Variants in ELMO1 observed in about 807,000 individuals in gnomAD.
The protein encoded by ELMO1 is engulfment and cell motility protein 1.
In ELMO1, 26 loss-of-function variants were observed where a neutral mutation model predicts 98.9. That is an observed-to-expected ratio of 0.26 (90% CI 0.19 to 0.36). The LOEUF (loss-of-function observed/expected upper bound fraction) is 0.36. Among genes scored for constraint, ELMO1 ranks in the 10% least tolerant of loss-of-function variants. ELMO1 has a pLI of 1.00. For missense variants in ELMO1, 627 were observed against 935.2 expected (o/e 0.67, Z 4.30); for synonymous variants, 346 against 346.0 (o/e 1.00, Z 0.00).
intron 14 of ELMO1, among the ~76,000 whole-genome samples, chr7:37,097,313 G>A (rs977333305): frequency 9.2e-5 from 14 of 152,264 alleles, no homozygotes; most frequent in Admixed American, 5.2e-4. Flanking sequence ...CGAGGCGGGC[G>A]GATCATTGGA....
chr7:36,985,855 G>T, intron 16 of ELMO1: 3 of 976,712 alleles, frequency 3.1e-6, no homozygotes, highest in Non-Finnish European at 3.7e-6. Flanking sequence ...CAGACAATAG[G>T]ACAAAGCTAC....
intron 15 of ELMO1, among the ~76,000 whole-genome samples, chr7:37,037,296 CGTT>C (rs1795233242): frequency 6.6e-6 from 1 of 152,102 alleles, no homozygotes; most frequent in Admixed American, 6.5e-5. Context: ...AAGAGCCACA[CGTT>C]GTTCTGTGAT....
At chr7:37,072,450 CCT>C (rs556663180) in intron 15 of ELMO1, among the ~76,000 whole-genome samples, 32 of 152,298 alleles carry the variant, frequency 2.1e-4, no homozygotes, top group African/African-American at 7.5e-4. Context: ...GTTCATTAAA[CCT>C]CTTTCTTTTG....
intron 4 of ELMO1, among the ~76,000 whole-genome samples, chr7:37,283,780 C>T (rs564141628): frequency 3.3e-5 from 5 of 152,328 alleles, no homozygotes; most frequent in Middle Eastern, 3.4e-3. Flanking sequence ...AACAGAGACA[C>T]GTCTATAGTG....
intron 15 of ELMO1, among the ~76,000 whole-genome samples, chr7:37,059,220 T>G (rs1796543398): frequency 6.6e-6 from 1 of 152,304 alleles, no homozygotes; most frequent in East Asian, 1.9e-4. Context: ...AAAATATCAC[T>G]CCAGTGGGGG....
At chr7:37,204,344 T>C (rs1792480826) in intron 13 of ELMO1, 3 of 413,094 alleles carry the variant, frequency 7.3e-6, no homozygotes, top group Non-Finnish European at 9.7e-6. Flanking sequence ...TCTCGCTGAC[T>C]TCAAGAGTGA....
chr7:37,029,069 G>A (rs911447069), intron 15 of ELMO1, among the ~76,000 whole-genome samples: 3 of 152,036 alleles, frequency 2.0e-5, no homozygotes, highest in African/African-American at 4.8e-5. Flanking sequence ...TGACTTGCCC[G>A]AGTCACACAG....
At chr7:37,133,707 G>C (rs558109045) in intron 13 of ELMO1, among the ~76,000 whole-genome samples, 1 of 152,222 alleles carries the variant, frequency 6.6e-6, no homozygotes, top group South Asian at 2.1e-4. Flanking sequence ...CCCATACATT[G>C]ATGGGCTTTG....
At chr7:37,071,122 A>G (rs758044260) in intron 15 of ELMO1, among the ~76,000 whole-genome samples, 2 of 152,230 alleles carry the variant, frequency 1.3e-5, no homozygotes, top group Non-Finnish European at 2.9e-5. Flanking sequence ...AAAGAACTGT[A>G]CATCAAAAAA....
At chr7:37,092,216 T>C (rs940630876) in intron 15 of ELMO1, among the ~76,000 whole-genome samples, 3 of 152,050 alleles carry the variant, frequency 2.0e-5, no homozygotes, top group Admixed American at 2.0e-4. Flanking sequence ...AGAAAACTTT[T>C]AACCAATATA....
At chr7:36,893,463 C>A (rs545286130) in intron 17 of ELMO1, among the ~76,000 whole-genome samples, 2 of 152,186 alleles carry the variant, frequency 1.3e-5, no homozygotes, top group African/African-American at 2.4e-5. Flanking sequence ...GAAGCCAAAG[C>A]GCCTTGGAAG....
At chr7:37,309,366 C>T (rs917530499) in intron 4 of ELMO1, among the ~76,000 whole-genome samples, 2 of 152,160 alleles carry the variant, frequency 1.3e-5, no homozygotes, top group South Asian at 2.1e-4. Context: ...AACCACAACA[C>T]GTGGGAATTA....
At chr7:36,983,035 C>A (rs1316960197) in intron 16 of ELMO1, among the ~76,000 whole-genome samples, 1 of 152,206 alleles carries the variant, frequency 6.6e-6, no homozygotes, top group Non-Finnish European at 1.5e-5. Flanking sequence ...ATGGGAACCC[C>A]CAAACTGGCT....
At chr7:37,061,148 T>A (rs886932424) in intron 15 of ELMO1, among the ~76,000 whole-genome samples, 1 of 152,130 alleles carries the variant, frequency 6.6e-6, no homozygotes, top group Non-Finnish European at 1.5e-5. Context: ...TTAATGGGGA[T>A]GGGGGGCGTC....
At chr7:37,219,608 T>C (rs1793483583) in intron 10 of ELMO1, among the ~76,000 whole-genome samples, 1 of 152,176 alleles carries the variant, frequency 6.6e-6, no homozygotes, top group African/African-American at 2.4e-5. Context: ...CGGGGAGTTG[T>C]TTACTTGGCA....
At chr7:36,913,049 G>A (rs1055916224) in intron 16 of ELMO1, among the ~76,000 whole-genome samples, 2 of 152,122 alleles carry the variant, frequency 1.3e-5, no homozygotes, top group Non-Finnish European at 2.9e-5. Context: ...CACACTGCTC[G>A]GGAGGGGTAC....
At chr7:37,051,209 G>A (rs1380028297) in intron 15 of ELMO1, among the ~76,000 whole-genome samples, 1 of 152,192 alleles carries the variant, frequency 6.6e-6, no homozygotes, top group African/African-American at 2.4e-5. Context: ...AATGAACCGT[G>A]TCTACTTGGC....
chr7:37,326,176 G>C (rs1159480415), intron 2 of ELMO1, among the ~76,000 whole-genome samples: 5 of 152,144 alleles, frequency 3.3e-5, no homozygotes. Flanking sequence ...ACAGACCCAA[G>C]ATTCAAGCAA....
chr7:36,874,903 A>G (rs896328260), intron 19 of ELMO1, among the ~76,000 whole-genome samples: 9 of 152,196 alleles, frequency 5.9e-5, no homozygotes, highest in African/African-American at 1.9e-4. Context: ...AAAAAGAAAG[A>G]TTTCCTAAAG....
Sources: allele counts gnomAD v4.1 joint callset (sites outside exome capture counted in the v4.1 genomes callset), GRCh38; gene constraint gnomAD v4.1.1; transcripts MANE v1.5; gene names NCBI Gene and HGNC (gene_info 2026-07-23, HGNC 2026-07-21).